The following XYLT1 variants were observed in gnomAD, a reference collection of about 807,000 sequenced individuals.
XYLT1 encodes the protein beta-D-xylosyltransferase 1.
In XYLT1, 36 loss-of-function variants were observed where a neutral mutation model predicts 91.3. The observed-to-expected ratio is 0.39, with a 90% CI of 0.30 to 0.52. XYLT1 has a LOEUF of 0.52. Among genes scored for constraint, XYLT1 ranks in the 20% least tolerant of loss-of-function variants. The pLI is 0.68. For synonymous variants in XYLT1, 588 were observed against 532.0 expected (o/e 1.11, Z -1.45); for missense variants, 1,242 against 1,284.5 (o/e 0.97, Z 0.51).
In XYLT1 at chr16:17,105,293, T is replaced by C. The variant is rs529861678; in HGVS notation, c.*3402A>G. On this transcript the variant is annotated 3_prime_UTR_variant, in exon 12 of 12. Coordinates refer to ENST00000261381, the MANE Select transcript of XYLT1 (RefSeq NM_022166.4). ...CTACTTGTGCCCAGAGTAGAAGCAA[T>C]TGCAGTGAGTGAGAGATGGGGGCAG... 2.0e-5 allele frequency: 3 copies of C among 152,308 alleles called. No homozygotes were observed. Among genetic ancestry groups the C allele is most frequent in the East Asian group, 1.9e-4 (1 of 5,184 alleles). The allele number at this position is 152,308 out of a possible 1,614,324, so 9.4% of individuals were successfully genotyped here.
Position 17,106,649 on chromosome 16 carries a change from C to T in XYLT1, c.*2046G>A, listed in dbSNP as rs546787041. 2 of 152,280 alleles carry T rather than the reference C, an allele frequency of 1.3e-5. No homozygotes were observed. Among genetic ancestry groups the T allele is most frequent in the African/African-American group, 4.8e-5 (2 of 41,544 alleles). 9.4% of individuals were successfully genotyped at this position (152,280 alleles called of 1,614,324 possible). On this transcript the variant is annotated 3_prime_UTR_variant, in exon 12 of 12. Coordinates refer to ENST00000261381, the MANE Select transcript of XYLT1 (RefSeq NM_022166.4). ...CCAAACTCTCTGCAGCTAGCACATTCCCCACAAACTCTCTGCAGCTAGCAC... is the reference window on the plus strand; with the variant it reads ...CCAAACTCTCTGCAGCTAGCACATTTCCCACAAACTCTCTGCAGCTAGCAC...
rs1191828391 is a variant in XYLT1 at position 17,216,939 on chromosome 16, A to G, written c.914-16285T>C. 2.0e-5 allele frequency among the ~76,000 whole-genome samples: 3 copies of G among 152,288 alleles called. No individual in the cohort carries two copies. In the South Asian group the frequency reaches 6.2e-4, roughly 32 times the overall value. ...AACGAGCAGCAATAGTCAACACAAC[A>G]TTTGGTTTTGCTCCTAGAGGGCAGG... On this transcript the variant is annotated intron_variant, in intron 3 of 11. Transcript: ENST00000261381.
chr16:17,256,405 C>T (rs374413501), intron 3 of XYLT1, among the ~76,000 whole-genome samples: 19 of 152,210 alleles, frequency 1.2e-4, no homozygotes, highest in African/African-American at 4.6e-4. Flanking sequence ...GTAATCCCAG[C>T]ACTTTGGGGG....
intron 2 of XYLT1, among the ~76,000 whole-genome samples, chr16:17,323,292 C>G (rs931548742): frequency 2.6e-5 from 4 of 152,212 alleles, no homozygotes; most frequent in Non-Finnish European, 5.9e-5. Context: ...AATGCTGCTG[C>G]TAATCACGGA....
intron 2 of XYLT1, among the ~76,000 whole-genome samples, chr16:17,324,281 G>A (rs1246457909): frequency 2.0e-5 from 3 of 152,156 alleles, no homozygotes; most frequent in Non-Finnish European, 2.9e-5. Flanking sequence ...GCAGCAAGAA[G>A]GGACAGAAAA....
intron 8 of XYLT1, among the ~76,000 whole-genome samples, 178 bp from the exon 9 acceptor site, chr16:17,134,913 G>T (rs1212418135): frequency 1.3e-5 from 2 of 151,604 alleles, no homozygotes; most frequent in African/African-American, 4.8e-5. Flanking sequence ...TATAATAAGG[G>T]TGTGAGTTAA....
rs71137979 is a variant in XYLT1 at position 17,187,393 on chromosome 16, CAAAAAAAAA to C, written c.1289+10810_1289+10818del. On this transcript the variant is annotated intron_variant, in intron 5 of 11. Coordinates refer to ENST00000261381, the MANE Select transcript of XYLT1 (RefSeq NM_022166.4). Reference sequence around the variant, plus strand: ...TGGGTGACAGAGCAAGACTCAGTTTCAAAAAAAAAAAAAAAAAAAAAAAATTAGCCAGAT... The same window carrying C: ...TGGGTGACAGAGCAAGACTCAGTTTCAAAAAAAAAAAAAAATTAGCCAGAT... Among the ~76,000 whole-genome samples, 121 of 55,304 alleles carry C rather than the reference CAAAAAAAAA, an allele frequency of 2.2e-3. 4 individuals carry two copies. In the East Asian group the frequency reaches 0.047, roughly 21 times the overall value. 36.3% of individuals were successfully genotyped at this position (55,304 alleles called of 152,430 possible). A position where few individuals can be genotyped will look rare whatever the true frequency, so the allele number is the denominator to read the frequency against.
At chr16:17,134,044 C>CAAGA (rs1466625217) in intron 9 of XYLT1, among the ~76,000 whole-genome samples, 9 of 152,116 alleles carry the variant, frequency 5.9e-5, no homozygotes, top group Admixed American at 5.9e-4. Context: ...GAAAATGAAA[C>CAAGA]AAGATCAGCC....
chr16:17,161,059 A>AT (rs1170916481), intron 5 of XYLT1, among the ~76,000 whole-genome samples: 1 of 152,148 alleles, frequency 6.6e-6, no homozygotes, highest in Non-Finnish European at 1.5e-5. Flanking sequence ...GGGAGGATTG[A>AT]AGGGGCCGGG....
intron 5 of XYLT1, among the ~76,000 whole-genome samples, chr16:17,176,057 A>G (rs74687333): frequency 0.046 from 6,731 of 145,322 alleles, 203 homozygotes; most frequent in Non-Finnish European, 0.046. Flanking sequence ...AAAATGCGGT[A>G]AAATATCAGT....
At chr16:17,319,410 A>G (rs2034683672) in intron 2 of XYLT1, among the ~76,000 whole-genome samples, 2 of 152,116 alleles carry the variant, frequency 1.3e-5, no homozygotes, top group South Asian at 4.1e-4. Flanking sequence ...GGCTGATCAA[A>G]GAATGGGTCA....
intron 1 of XYLT1, among the ~76,000 whole-genome samples, chr16:17,450,790 C>T (rs1397252028): frequency 6.6e-6 from 1 of 152,132 alleles, no homozygotes; most frequent in Non-Finnish European, 1.5e-5. Context: ...ACACTGCTGC[C>T]AGGTCAGGCA....
At chr16:17,200,457 AG>A in intron 4 of XYLT1, 24 bp downstream of exon 4, 1 of 1,601,730 alleles carries the variant, frequency 6.2e-7, no homozygotes, top group Non-Finnish European at 8.6e-7. Context: ...AAGCCCAGCA[AG>A]GGGTGATCAC....
intron 3 of XYLT1, among the ~76,000 whole-genome samples, chr16:17,208,817 C>T (rs565080659): frequency 5.3e-5 from 8 of 152,218 alleles, no homozygotes; most frequent in South Asian, 2.1e-4. Context: ...CTCCACCTCC[C>T]GGGTTCAAGC....
intron 1 of XYLT1, among the ~76,000 whole-genome samples, chr16:17,386,206 G>A (rs1489628011): frequency 1.3e-5 from 2 of 152,144 alleles, no homozygotes; most frequent in African/African-American, 2.4e-5. Flanking sequence ...CACCCCCTTC[G>A]CCAGGTCCTC....
intron 2 of XYLT1, among the ~76,000 whole-genome samples, chr16:17,275,989 T>C (rs549144763): frequency 3.3e-5 from 5 of 152,192 alleles, no homozygotes; most frequent in African/African-American, 9.6e-5. Context: ...TAAATAAATA[T>C]AGATGCACAT....
At chr16:17,402,375 C>A (rs1008837344) in intron 1 of XYLT1, among the ~76,000 whole-genome samples, 1 of 151,514 alleles carries the variant, frequency 6.6e-6, no homozygotes, top group African/African-American at 2.4e-5. Context: ...ATGAAAAAGA[C>A]GAAGTGTACA....
At chr16:17,368,459 A>G (rs1156890673) in intron 1 of XYLT1, among the ~76,000 whole-genome samples, 1 of 152,016 alleles carries the variant, frequency 6.6e-6, no homozygotes, top group Non-Finnish European at 1.5e-5. Flanking sequence ...TTAAGTCCTT[A>G]TGAGATACCA....
intron 2 of XYLT1, among the ~76,000 whole-genome samples, chr16:17,293,434 G>C (rs749865545): frequency 6.8e-6 from 1 of 147,958 alleles, no homozygotes; most frequent in South Asian, 2.1e-4. Context: ...GTAAAGCTAT[G>C]TATTTACTCC....
Sources: allele counts gnomAD v4.1 joint callset (sites outside exome capture counted in the v4.1 genomes callset), GRCh38; gene constraint gnomAD v4.1.1; transcripts MANE v1.5; gene names NCBI Gene and HGNC (gene_info 2026-07-23, HGNC 2026-07-21).